Variants in PARPBP observed in about 807,000 individuals in gnomAD.
PARPBP encodes PARP1 binding protein, also known as PCNA-interacting partner.
Under a neutral mutation model 50.0 loss-of-function variants are expected in PARPBP, and 52 were observed. The ratio of observed to expected loss-of-function variants is 1.04; its 90% confidence interval spans 0.83 to 1.31. PARPBP has a LOEUF of 1.31. Among genes scored for constraint, PARPBP ranks in the 50% most tolerant of loss-of-function variants. The pLI, the probability that PARPBP is intolerant of heterozygous loss-of-function variation, is 0.00. For synonymous variants in PARPBP, 244 were observed against 232.1 expected, an observed-to-expected ratio of 1.05 and a Z score of -0.47; for missense variants, 697 against 672.0, an observed-to-expected ratio of 1.04 and a Z score of -0.41.
At chr12:102,181,777 T>A (rs1312947763) in intron 8 of PARPBP, among the ~76,000 whole-genome samples, 2 of 152,144 alleles carry the variant, frequency 1.3e-5, no homozygotes, top group African/African-American at 4.8e-5. Flanking sequence ...CTAGATAATT[T>A]GTAAATAACA....
At chr12:102,177,062 A>G (rs1051524727) in intron 7 of PARPBP, among the ~76,000 whole-genome samples, 3 of 152,262 alleles carry the variant, frequency 2.0e-5, no homozygotes, top group African/African-American at 7.2e-5. Flanking sequence ...TTTGAAAAAT[A>G]TAATCAAATG....
At position 102,128,790 on chromosome 12, in the gene PARPBP, G is replaced by A. The variant is rs540482856; in HGVS notation, c.153+4749G>A. Reference sequence around the variant, plus strand: ...GTGAACAATGCAGCAATGGCCATAGGAGTCCTGATCTCTCTTCACTACTGA... The same window carrying A: ...GTGAACAATGCAGCAATGGCCATAGAAGTCCTGATCTCTCTTCACTACTGA... On this transcript the variant is annotated intron_variant, in intron 2 of 10. Coordinates refer to ENST00000327680, the MANE Select transcript of PARPBP (RefSeq NM_017915.5). Among the ~76,000 whole-genome samples, 15 of 152,222 alleles carry A rather than the reference G, an allele frequency of 9.9e-5. 1 individual carries two copies. The South Asian group carries it at 3.1e-3, about 32-fold the overall frequency.
chr12:102,150,522 G>A (rs901649576), intron 3 of PARPBP, among the ~76,000 whole-genome samples: 2 of 152,190 alleles, frequency 1.3e-5, no homozygotes, highest in African/African-American at 2.4e-5. Flanking sequence ...GCAATTTTGG[G>A]AATGTGGTCA....
chr12:102,175,062 A>G (rs1889122475), intron 6 of PARPBP, among the ~76,000 whole-genome samples: 1 of 152,212 alleles, frequency 6.6e-6, no homozygotes, highest in African/African-American at 2.4e-5. Flanking sequence ...TTTGTGATGT[A>G]GGGATAATAA....
chr12:102,156,291 A>G (rs964507954), intron 4 of PARPBP, among the ~76,000 whole-genome samples: 1 of 134,074 alleles, frequency 7.5e-6, no homozygotes, highest in Non-Finnish European at 1.5e-5. Context: ...TGTTCATGCC[A>G]TTCTCCTTCC....
At chr12:102,195,744 C>A (rs541554820) in intron 10 of PARPBP, among the ~76,000 whole-genome samples, 1 of 151,428 alleles carries the variant, frequency 6.6e-6, no homozygotes, top group African/African-American at 2.4e-5. Flanking sequence ...TGATTACTGG[C>A]CAAAGCTAAC....
intron 8 of PARPBP, among the ~76,000 whole-genome samples, chr12:102,181,686 CG>C (rs1357397474): frequency 6.6e-6 from 1 of 151,942 alleles, no homozygotes; most frequent in Admixed American, 6.6e-5. Context: ...TGGGTAGGGG[CG>C]GGGCAGATAC....
chr12:102,193,537 T>G (rs1164682897), intron 9 of PARPBP, among the ~76,000 whole-genome samples: 1 of 152,018 alleles, frequency 6.6e-6, no homozygotes, highest in African/African-American at 2.4e-5. Flanking sequence ...GCAATAAGTT[T>G]ATAATTCTCT....
chr12:102,193,900 A>G (rs1891028355), intron 9 of PARPBP, among the ~76,000 whole-genome samples: 2 of 151,956 alleles, frequency 1.3e-5, no homozygotes, highest in African/African-American at 4.8e-5. Context: ...GATCTTGTAT[A>G]TTTTCACGTT....
At chr12:102,134,382 C>T (rs1594456173) in intron 2 of PARPBP, among the ~76,000 whole-genome samples, 1 of 152,084 alleles carries the variant, frequency 6.6e-6, no homozygotes, top group Non-Finnish European at 1.5e-5. Context: ...TTGACACGTA[C>T]TATCTACCAA....
intron 2 of PARPBP, among the ~76,000 whole-genome samples, chr12:102,124,758 G>C (rs542965688): frequency 6.6e-6 from 1 of 152,228 alleles, no homozygotes; most frequent in African/African-American, 2.4e-5. Flanking sequence ...GCTTCAATGG[G>C]TCTGTTGGGC....
chr12:102,197,436 A>G lies in PARPBP; in HGVS notation c.*1145A>G. On this transcript the variant is annotated 3_prime_UTR_variant, in exon 11 of 11. Transcript: ENST00000327680. ...ACTGTTTGCATATACTTCTGTTTAT[A>G]AAAGTATCAGTTTTACTTTTCAGAG... 8.0e-7 allele frequency: 1 copy of G among 1,250,112 alleles called. No individual in the cohort carries two copies. The allele number at this position is 1,250,112 out of a possible 1,614,324, so 77.4% of individuals were successfully genotyped here.
rs375092497 is a variant in PARPBP at position 102,128,433 on chromosome 12, G to A, written c.153+4392G>A. Among the ~76,000 whole-genome samples, 12 of 152,156 alleles carry A rather than the reference G, an allele frequency of 7.9e-5. No homozygotes were observed. The East Asian group carries it at 1.2e-3, about 15-fold the overall frequency. ...TTTTTAGTAAAGACGGGGTTTCACC[G>A]TGTTAGCCAGGATGGTCTCGATTTC... On this transcript the variant is annotated intron_variant, in intron 2 of 10. Coordinates refer to ENST00000327680, the MANE Select transcript of PARPBP (RefSeq NM_017915.5).
chr12:102,125,578 G>T (rs1881872376), intron 2 of PARPBP, among the ~76,000 whole-genome samples: 1 of 152,114 alleles, frequency 6.6e-6, no homozygotes, highest in African/African-American at 2.4e-5. Flanking sequence ...CAGTAAAAAG[G>T]CCAATACAGC....
intron 8 of PARPBP, among the ~76,000 whole-genome samples, chr12:102,179,877 C>G (rs1041722409): frequency 1.3e-5 from 2 of 152,164 alleles, no homozygotes; most frequent in African/African-American, 4.8e-5. Flanking sequence ...GTATTTAGTA[C>G]ACTGTAGAGA....
intron 9 of PARPBP, among the ~76,000 whole-genome samples, chr12:102,191,128 G>T (rs1256390242): frequency 1.3e-5 from 2 of 152,080 alleles, no homozygotes; most frequent in Non-Finnish European, 2.9e-5. Context: ...ATTAATCCTT[G>T]CTCAACTCTG....
chr12:102,157,518 AT>A (rs1207074910), intron 4 of PARPBP, among the ~76,000 whole-genome samples: 5 of 150,284 alleles, frequency 3.3e-5, no homozygotes, highest in African/African-American at 1.2e-4. Flanking sequence ...TATTTGCTGT[AT>A]TTCCAATAAA....
Position 102,147,972 on chromosome 12 carries a change from C to T in PARPBP, c.154-258C>T, listed in dbSNP as rs186656162. ...TGACGAATTTCAAGAAATGTAACAG[C>T]GGCTATGTATTTACCAGTTTTATCA... On this transcript the variant is annotated intron_variant, in intron 2 of 10. Transcript: ENST00000327680. 1.5e-3 allele frequency among the ~76,000 whole-genome samples: 229 copies of T among 152,164 alleles called. 1 individual carries two copies. Among genetic ancestry groups the T allele is most frequent in the African/African-American group, 4.5e-3 (188 of 41,512 alleles).
chr12:102,127,229 T>C (rs1029175166), intron 2 of PARPBP, among the ~76,000 whole-genome samples: 1 of 151,852 alleles, frequency 6.6e-6, no homozygotes, highest in African/African-American at 2.4e-5. Context: ...ACCTCGTCTC[T>C]ACAAAAAAAT....
Sources: allele counts gnomAD v4.1 joint callset (sites outside exome capture counted in the v4.1 genomes callset), GRCh38; gene constraint gnomAD v4.1.1; transcripts MANE v1.5; gene names NCBI Gene and HGNC (gene_info 2026-07-23, HGNC 2026-07-21).